Variants in CPA6 observed in about 807,000 individuals in gnomAD.
CPA6 encodes the protein carboxypeptidase A6, also known as carboxypeptidase B.
In CPA6, 58 loss-of-function variants were observed where a neutral mutation model predicts 63.3. That is an observed-to-expected ratio of 0.92 (90% CI 0.74 to 1.14). The LOEUF (loss-of-function observed/expected upper bound fraction) is 1.14. CPA6 is among the 50% of genes most tolerant of loss of function. The probability of loss-of-function intolerance (pLI) is 0.00; values close to 1 mark genes in which losing one functional copy is unlikely to be tolerated. For synonymous variants in CPA6, 185 were observed against 179.0 expected, an observed-to-expected ratio of 1.03 and a Z score of -0.27; for missense variants, 565 against 526.6, an observed-to-expected ratio of 1.07 and a Z score of -0.71.
At chr8:67,430,131 A>ATG (rs58059553) in intron 9 of CPA6, among the ~76,000 whole-genome samples, 5,971 of 128,554 alleles carry the variant, frequency 0.046, 165 homozygotes, top group Admixed American at 0.089. Context: ...GTATATATAT[A>ATG]TGTGTGTGTG....
intron 6 of CPA6, among the ~76,000 whole-genome samples, chr8:67,498,987 A>G (rs1811779728): frequency 6.6e-6 from 1 of 152,260 alleles, no homozygotes; most frequent in African/African-American, 2.4e-5. Flanking sequence ...AAAAAATGTC[A>G]ACTAGGAACT....
At chr8:67,714,909 C>T (rs1202169258) in intron 1 of CPA6, among the ~76,000 whole-genome samples, 1 of 152,118 alleles carries the variant, frequency 6.6e-6, no homozygotes, top group Non-Finnish European at 1.5e-5. Flanking sequence ...AAAATATATA[C>T]ATTTTTAAAG....
chr8:67,442,970 A>T (rs1028169648), intron 8 of CPA6, among the ~76,000 whole-genome samples: 1 of 152,112 alleles, frequency 6.6e-6, no homozygotes, highest in Admixed American at 6.6e-5. Context: ...TTAGAGCTGC[A>T]TATTAGTCTG....
At chr8:67,683,649 T>G (rs1423877431) in intron 1 of CPA6, among the ~76,000 whole-genome samples, 1 of 152,196 alleles carries the variant, frequency 6.6e-6, no homozygotes, top group African/African-American at 2.4e-5. Flanking sequence ...GCCTTATATT[T>G]ATTTGGCCCA....
In CPA6 at chr8:67,503,067, C is replaced by G. The variant is rs1459677401; in HGVS notation, c.636+3720G>C. Among the ~76,000 whole-genome samples the G allele has an allele frequency of 2.6e-5, 4 of 152,046 alleles. No individual in the cohort carries two copies. The South Asian group carries it at 8.3e-4, about 31-fold the overall frequency. On this transcript the variant is annotated intron_variant, in intron 6 of 10. Transcript: ENST00000297770. ...TATTTGTTTATTTTTGAGATGGAGT[C>G]TCGCTCTGTTGCCCAGGCTGGAGTG... is the stretch of plus-strand genomic sequence containing the variant.
chr8:67,514,250 G>A (rs1431219553), intron 3 of CPA6, among the ~76,000 whole-genome samples: 7 of 151,952 alleles, frequency 4.6e-5, no homozygotes, highest in Non-Finnish European at 7.4e-5. Flanking sequence ...GAGCCACCAC[G>A]CCTGATCAAA....
intron 1 of CPA6, among the ~76,000 whole-genome samples, chr8:67,709,415 C>A (rs1248350871): frequency 6.6e-6 from 1 of 152,194 alleles, no homozygotes; most frequent in African/African-American, 2.4e-5. Flanking sequence ...TGCCTTATGT[C>A]CCTTGGATGA....
chr8:67,667,665 T>G (rs1331821402), intron 1 of CPA6, among the ~76,000 whole-genome samples: 1 of 152,184 alleles, frequency 6.6e-6, no homozygotes, highest in Non-Finnish European at 1.5e-5. Flanking sequence ...GAAATTCAAT[T>G]TCTAACCCAC....
rs73683162 is a variant in CPA6 at position 67,672,967 on chromosome 8, G to A, written c.117-48716C>T. Among the ~76,000 whole-genome samples, 1,095 of 152,064 alleles carry A rather than the reference G, an allele frequency of 7.2e-3. 19 individuals are homozygous for A. Among genetic ancestry groups the A allele is most frequent in the African/African-American group, 0.025 (1,039 of 41,446 alleles). Reference sequence around the variant, plus strand: ...TGAGTTTCAAAACTTACGGATGATAGAAACTTGGGGGCAATAGCAAATTCT... The same window carrying A: ...TGAGTTTCAAAACTTACGGATGATAAAAACTTGGGGGCAATAGCAAATTCT... On this transcript the variant is annotated intron_variant, in intron 1 of 10. Coordinates refer to ENST00000297770, the MANE Select transcript of CPA6 (RefSeq NM_020361.5).
chr8:67,463,987 A>T (rs141058435), intron 8 of CPA6, among the ~76,000 whole-genome samples: 14 of 152,164 alleles, frequency 9.2e-5, no homozygotes, highest in African/African-American at 3.4e-4. Flanking sequence ...ACGCGAGCGC[A>T]TGTGTCTTTT....
intron 2 of CPA6, among the ~76,000 whole-genome samples, chr8:67,523,903 C>A (rs1812309849): frequency 6.6e-6 from 1 of 152,216 alleles, no homozygotes; most frequent in Admixed American, 6.5e-5. Flanking sequence ...CACAGAAGCA[C>A]TTTCCTGCTC....
intron 2 of CPA6, among the ~76,000 whole-genome samples, chr8:67,613,851 AG>A (rs1181562264): frequency 2.0e-5 from 3 of 152,152 alleles, no homozygotes; most frequent in Non-Finnish European, 4.4e-5. Flanking sequence ...CTTCAGAAAT[AG>A]ACCAGCAGAC....
chr8:67,737,591 G>A (rs1817838305), intron 1 of CPA6, among the ~76,000 whole-genome samples: 1 of 152,124 alleles, frequency 6.6e-6, no homozygotes, highest in South Asian at 2.1e-4. Flanking sequence ...GGATCCCAGG[G>A]TTGGAACTGT....
chr8:67,649,674 G>T (rs1815793067), intron 1 of CPA6, among the ~76,000 whole-genome samples: 1 of 152,190 alleles, frequency 6.6e-6, no homozygotes, highest in South Asian at 2.1e-4. Flanking sequence ...AGGATGGTCA[G>T]TAGTTCGTAC....
intron 2 of CPA6, among the ~76,000 whole-genome samples, chr8:67,577,728 T>TC (rs1479600245): frequency 6.6e-5 from 10 of 152,186 alleles, no homozygotes; most frequent in Admixed American, 6.5e-4. Flanking sequence ...AGTAACTCAC[T>TC]CCCAGGAGAA....
intron 1 of CPA6, among the ~76,000 whole-genome samples, chr8:67,681,145 G>A (rs1213430209): frequency 6.7e-6 from 1 of 148,388 alleles, no homozygotes; most frequent in Non-Finnish European, 1.5e-5. Context: ...TATAGATCAT[G>A]CTTTTGGTGT....
chr8:67,611,074 C>A (rs1814794298), intron 2 of CPA6, among the ~76,000 whole-genome samples: 2 of 132,504 alleles, frequency 1.5e-5, no homozygotes, highest in Middle Eastern at 3.8e-3. Context: ...ATGGCCATGG[C>A]CTTTTCACTC....
At chr8:67,528,261 C>T (rs1019716450) in intron 2 of CPA6, among the ~76,000 whole-genome samples, 1 of 152,164 alleles carries the variant, frequency 6.6e-6, no homozygotes, top group African/African-American at 2.4e-5. Flanking sequence ...ATGCATATTA[C>T]CAAATGATGA....
intron 8 of CPA6, among the ~76,000 whole-genome samples, chr8:67,434,469 A>G (rs1587420207): frequency 6.6e-6 from 1 of 152,236 alleles, no homozygotes; most frequent in East Asian, 1.9e-4. Flanking sequence ...TGATTTTTCA[A>G]CTGAACATGC....
Sources: gnomAD v4.1 joint callset for allele counts (sites outside exome capture counted in the v4.1 genomes callset) on GRCh38, gnomAD v4.1.1 for gene constraint, MANE v1.5 for transcripts, NCBI Gene and HGNC (gene_info 2026-07-23, HGNC 2026-07-21) for gene names.